The following VCL variants were observed in gnomAD, a reference collection of about 807,000 sequenced individuals.
VCL encodes epididymis luminal protein 114.
Under a neutral mutation model 125.7 loss-of-function variants are expected in VCL, and 47 were observed. The observed-to-expected ratio is 0.37, with a 90% confidence interval of 0.30 to 0.48. The LOEUF (loss-of-function observed/expected upper bound fraction) is 0.48. Among genes scored for constraint, VCL ranks in the 20% least tolerant of loss-of-function variants. VCL has a pLI of 0.99. For missense variants in VCL, 1,069 were observed against 1,455.5 expected (o/e 0.73, Z 4.32); for synonymous variants, 458 against 514.6 (o/e 0.89, Z 1.49).
intron 18 of VCL, among the ~76,000 whole-genome samples, chr10:74,109,690 A>G (rs1228250568): frequency 6.6e-6 from 1 of 151,834 alleles, no homozygotes; most frequent in Admixed American, 6.6e-5. Context: ...TCTCTTACTC[A>G]GCAAATCTGA....
At chr10:74,104,034 G>A (rs1210196502) in intron 15 of VCL, 106 bp downstream of exon 15, 43 of 1,139,854 alleles carry the variant, frequency 3.8e-5, no homozygotes, top group East Asian at 2.3e-4. Flanking sequence ...ATAAAGGGCC[G>A]GTCACGTGCT....
At chr10:74,032,894 G>A (rs954518090) in intron 1 of VCL, among the ~76,000 whole-genome samples, 52 of 152,110 alleles carry the variant, frequency 3.4e-4, no homozygotes, top group African/African-American at 1.2e-3. Context: ...GTGTTGCCAG[G>A]GATATTGAGA....
At chr10:74,031,836 G>A (rs908377397) in intron 1 of VCL, among the ~76,000 whole-genome samples, 3 of 151,576 alleles carry the variant, frequency 2.0e-5, no homozygotes, top group Non-Finnish European at 4.4e-5. Flanking sequence ...AGGCCGAGGC[G>A]GGCGGATCAC....
At chr10:74,112,228 C>A in intron 19 of VCL, 116 bp downstream of exon 19, 3 of 1,327,704 alleles carry the variant, frequency 2.3e-6, no homozygotes, top group Non-Finnish European at 3.2e-6. Context: ...GCAGGGCGGG[C>A]ATCTGTCTGT....
At chr10:74,067,527 ATAAC>A (rs1042581268) in intron 2 of VCL, among the ~76,000 whole-genome samples, 2 of 152,232 alleles carry the variant, frequency 1.3e-5, no homozygotes, top group Non-Finnish European at 1.5e-5. Context: ...CCCTAGGTAT[ATAAC>A]TAAGAGAAAT....
At chr10:74,079,223 G>A (rs1839640375) in intron 6 of VCL, among the ~76,000 whole-genome samples, 1 of 152,104 alleles carries the variant, frequency 6.6e-6, no homozygotes, top group Non-Finnish European at 1.5e-5. Context: ...TTAAGAAGGA[G>A]CATAACATGG....
chr10:74,003,057 G>T (rs1466822012), intron 1 of VCL, among the ~76,000 whole-genome samples: 1 of 151,598 alleles, frequency 6.6e-6, no homozygotes, highest in Non-Finnish European at 1.5e-5. Flanking sequence ...TAGGGAGGGG[G>T]TAGGGTGGGA....
At chr10:74,103,778 G>A (rs1840092901) in intron 14 of VCL, 42 bp from the exon 15 acceptor site, 3 of 1,578,956 alleles carry the variant, frequency 1.9e-6, no homozygotes, top group Non-Finnish European at 1.7e-6. Context: ...TATCTGGAGA[G>A]CAAGGGTGCT....
rs78009350 is a variant in VCL at position 74,114,682 on chromosome 10, G to A, written c.3154-113G>A. ...AGTGGAATTCTGCTGCTTATTTATC[G>A]AGTGCCTTTTCTGTGCCAGCCACTG... On this transcript the variant is annotated intron_variant, in intron 20 of 21. Transcript: ENST00000211998. 3.7e-3 allele frequency: 4,201 copies of A among 1,140,286 alleles called. 147 individuals are homozygous for A. In the Admixed American group the frequency reaches 0.061, roughly 17 times the overall value. 70.6% of individuals were successfully genotyped at this position (1,140,286 alleles called of 1,614,324 possible). A position where few individuals can be genotyped will look rare whatever the true frequency, so the allele number is the denominator to read the frequency against.
intron 10 of VCL, among the ~76,000 whole-genome samples, chr10:74,093,077 A>T (rs548958858): frequency 1.0e-3 from 153 of 152,268 alleles, no homozygotes; most frequent in Admixed American, 5.1e-3. Context: ...TGGGCACATC[A>T]CCCGAGGTCA....
At chr10:74,105,532 G>T (rs1337584696) in intron 16 of VCL, among the ~76,000 whole-genome samples, 179 bp downstream of exon 16, 1 of 152,078 alleles carries the variant, frequency 6.6e-6, no homozygotes, top group African/African-American at 2.4e-5. Flanking sequence ...TTATCAGCAG[G>T]CTTGTTGTAT....
At chr10:74,027,315 A>AT (rs368271046) in intron 1 of VCL, among the ~76,000 whole-genome samples, 1,594 of 144,968 alleles carry the variant, frequency 0.011, 17 homozygotes, top group South Asian at 0.04. Flanking sequence ...ATATTTACCC[A>AT]TTTTTTTTTT....
At chr10:74,068,410 C>T (rs935130659) in intron 2 of VCL, among the ~76,000 whole-genome samples, 3 of 152,006 alleles carry the variant, frequency 2.0e-5, no homozygotes, top group African/African-American at 7.3e-5. Context: ...CTGCAACCTC[C>T]GCTTCCTGGG....
In VCL at chr10:74,097,577, C is replaced by A. The variant is rs1215406326; in HGVS notation, c.1872+245C>A. Among the ~76,000 whole-genome samples, 1 of 152,144 alleles carries A rather than the reference C, an allele frequency of 6.6e-6. No individual in the cohort carries two copies. The highest frequency in any genetic ancestry group is 2.4e-5 in the African/African-American group (1 of 41,448). ...AGATGAAAACAACCGGGTTTGTTTT[C>A]ATCACAAACCAAGAAACATGGAAGT... On this transcript the variant is annotated intron_variant, in intron 13 of 21. Coordinates refer to ENST00000211998, the MANE Select transcript of VCL (RefSeq NM_014000.3). This position sits in a 1 kb window ranked among gnomAD's most constrained non-coding sequence, Gnocchi z 4.1.
Position 74,118,113 on chromosome 10 carries a change from C to T in VCL, c.3349C>T (p.Arg1117Ter). 6.2e-7 allele frequency: 1 copy of T among 1,614,130 alleles called. No individual in the cohort carries two copies. The highest frequency in any genetic ancestry group is 8.5e-7 in the Non-Finnish European group (1 of 1,180,024). The stretch of plus-strand genomic sequence containing the variant: ...AGCTGAAGCTGCTTCAATCAAAATT[C>T]GAACAGATGCTGGATTTACACTGCG... ...REAEAASIKI[R>*]TDAGFTLRWV... is the part of the protein sequence containing the mutation. Residue 1117 changes from arginine (R) to a stop codon, truncating the protein, a stop_gained, in exon 22 of 22, where the codon CGA becomes TGA. Coordinates refer to ENST00000211998, the MANE Select transcript of VCL (RefSeq NM_014000.3). LOFTEE classifies it high-confidence loss of function.
In VCL at chr10:74,074,800, T is replaced by TA. The variant is rs776583302; in HGVS notation, c.686dup (p.Asn229LysfsTer12). ...AAAAACCAAGGCATAGAGGAAGCTTTAAAAAATCGCAATTTTACTGTAGAA... is the reference window on the plus strand; with the variant it reads ...AAAAACCAAGGCATAGAGGAAGCTTTAAAAAAATCGCAATTTTACTGTAGAA... On this transcript the variant is annotated frameshift_variant, in exon 6 of 22. Coordinates refer to ENST00000211998, the MANE Select transcript of VCL (RefSeq NM_014000.3). LOFTEE classifies it high-confidence loss of function. The TA allele has an allele frequency of 5.6e-6, 9 of 1,614,018 alleles. No homozygotes were observed. The highest frequency in any genetic ancestry group is 4.0e-5 in the African/African-American group (3 of 74,924).
chr10:74,062,801 C>T (rs1841501151), intron 2 of VCL, among the ~76,000 whole-genome samples: 1 of 152,054 alleles, frequency 6.6e-6, no homozygotes, highest in Non-Finnish European at 1.5e-5. Context: ...GGTGCAGTGG[C>T]TTACACCTAT....
Position 74,114,657 on chromosome 10 carries a change from A to G in VCL, c.3154-138A>G, listed in dbSNP as rs1874148. On this transcript the variant is annotated intron_variant, in intron 20 of 21. Coordinates refer to ENST00000211998, the MANE Select transcript of VCL (RefSeq NM_014000.3). ...TGTACTGACCCTAGGGGAAAAAACAAGTGGAATTCTGCTGCTTATTTATCG... is the reference window on the plus strand; with the variant it reads ...TGTACTGACCCTAGGGGAAAAAACAGGTGGAATTCTGCTGCTTATTTATCG... 4.1e-3 allele frequency: 4,065 copies of G among 1,003,570 alleles called. 107 individuals are homozygous for G. The African/African-American group carries it at 0.058, about 14-fold the overall frequency. The allele number at this position is 1,003,570 out of a possible 1,614,324, so 62.2% of individuals were successfully genotyped here. A position where few individuals can be genotyped will look rare whatever the true frequency, so the allele number is the denominator to read the frequency against.
At chr10:74,056,093 T>C (rs1449890844) in intron 2 of VCL, among the ~76,000 whole-genome samples, 1 of 152,040 alleles carries the variant, frequency 6.6e-6, no homozygotes, top group African/African-American at 2.4e-5. Context: ...GAGTCCTGTT[T>C]TATTTGAAGT....
Sources: gnomAD v4.1 joint callset for allele counts (sites outside exome capture counted in the v4.1 genomes callset) on GRCh38, gnomAD v4.1.1 for gene constraint, Gnocchi (gnomAD v3.1) non-coding constraint, MANE v1.5 for transcripts, NCBI Gene and HGNC (gene_info 2026-07-23, HGNC 2026-07-21) for gene names.